The following TMEM120B variants were observed in gnomAD, a reference collection of about 807,000 sequenced individuals.
TMEM120B encodes the protein transmembrane protein 120B.
A neutral mutation model predicts 55.5 loss-of-function variants in TMEM120B; 31 were observed. That is an observed-to-expected ratio of 0.56 (90% confidence interval 0.42 to 0.75). The LOEUF is 0.75. TMEM120B is among the 30% of genes least tolerant of loss of function. The pLI is 0.00. For synonymous variants in TMEM120B, 203 were observed against 176.3 expected (o/e 1.15, Z -1.20); for missense variants, 399 against 425.5 (o/e 0.94, Z 0.55).
intron 5 of TMEM120B, among the ~76,000 whole-genome samples, chr12:121,759,603 A>AG (rs1227369815): frequency 6.6e-6 from 1 of 151,366 alleles, no homozygotes; most frequent in Non-Finnish European, 1.5e-5. Flanking sequence ...GCTTGAACCC[A>AG]GGAGGTGGAG....
At chr12:121,764,880 G>A (rs1873797755) in intron 6 of TMEM120B, among the ~76,000 whole-genome samples, 1 of 152,110 alleles carries the variant, frequency 6.6e-6, no homozygotes, top group Non-Finnish European at 1.5e-5. Context: ...AGCCTCCCTT[G>A]CCTAACAGTT....
At chr12:121,718,672 ACT>A (rs1291547569) in intron 1 of TMEM120B, among the ~76,000 whole-genome samples, 1 of 151,934 alleles carries the variant, frequency 6.6e-6, no homozygotes. Context: ...GTATCCTGAG[ACT>A]CTTAGCTCTA....
intron 6 of TMEM120B, among the ~76,000 whole-genome samples, chr12:121,766,828 A>G (rs1592946837): frequency 6.6e-6 from 1 of 152,192 alleles, no homozygotes; most frequent in South Asian, 2.1e-4. Context: ...CAGAATGAGT[A>G]ATGACTCGGT....
chr12:121,716,728 A>C (rs1218751559), intron 1 of TMEM120B, among the ~76,000 whole-genome samples: 1 of 151,694 alleles, frequency 6.6e-6, no homozygotes, highest in African/African-American at 2.4e-5. Flanking sequence ...GTGCCCGGCT[A>C]ATTTTTATAT....
Position 121,748,441 on chromosome 12 carries a change from G to A in TMEM120B, c.304G>A (p.Gly102Arg), listed in dbSNP as rs372282645. 3.6e-5 allele frequency: 57 copies of A among 1,603,946 alleles called. No homozygotes were observed. The highest frequency in any genetic ancestry group is 1.7e-4 in the Middle Eastern group (1 of 6,022). ...GGAGGCCTACCTGCCCAAGAAGAACGGGTAGGAGCTGGCAACCTCCCCACC... is the reference window on the plus strand; with the variant it reads ...GGAGGCCTACCTGCCCAAGAAGAACAGGTAGGAGCTGGCAACCTCCCCACC... Reference protein sequence around the residue: ...DMEAYLPKKNGLYLNLVLGNV... With the variant: ...DMEAYLPKKNRLYLNLVLGNV... Residue 102 changes from glycine (G) to arginine (R), a missense_variant and splice_region_variant, in exon 3 of 12, where the codon GGG becomes AGG. Coordinates refer to ENST00000449592, the MANE Select transcript of TMEM120B (RefSeq NM_001080825.2).
At chr12:121,721,502 A>C (rs1894787652) in intron 1 of TMEM120B, among the ~76,000 whole-genome samples, 6 of 133,684 alleles carry the variant, frequency 4.5e-5, no homozygotes, top group Non-Finnish European at 4.8e-5. Context: ...CAAGAGTTTC[A>C]CTCTTGTTGC....
At chr12:121,718,929 C>G (rs1894747377) in intron 1 of TMEM120B, among the ~76,000 whole-genome samples, 1 of 152,172 alleles carries the variant, frequency 6.6e-6, no homozygotes, top group Non-Finnish European at 1.5e-5. Context: ...GCATTATTCT[C>G]AGGCAGTCCC....
chr12:121,715,758 C>A (rs1349862160), intron 1 of TMEM120B, among the ~76,000 whole-genome samples: 1 of 152,054 alleles, frequency 6.6e-6, no homozygotes, highest in Non-Finnish European at 1.5e-5. Flanking sequence ...CTTCAATTCA[C>A]AGATGAGGAA....
chr12:121,718,341 AAAC>A (rs937867908), intron 1 of TMEM120B, among the ~76,000 whole-genome samples: 2 of 151,934 alleles, frequency 1.3e-5, no homozygotes, highest in African/African-American at 2.4e-5. Context: ...AACAAACAAA[AAAC>A]AAAAAAAAAC....
chr12:121,760,484 G>A (rs757021229), intron 5 of TMEM120B, among the ~76,000 whole-genome samples: 9 of 152,142 alleles, frequency 5.9e-5, no homozygotes, highest in Non-Finnish European at 1.2e-4. Context: ...AGCTGGGAGG[G>A]GCGCGTGCGC....
At chr12:121,716,248 C>T (rs531889342) in intron 1 of TMEM120B, among the ~76,000 whole-genome samples, 2 of 149,998 alleles carry the variant, frequency 1.3e-5, no homozygotes, top group Admixed American at 1.3e-4. Context: ...GTCAAGGCTG[C>T]AGTGAGCCAT....
In TMEM120B at chr12:121,723,812, T is replaced by C. The variant is rs563770311; in HGVS notation, c.69+10848T>C. Among the ~76,000 whole-genome samples, 4 of 152,008 alleles carry C rather than the reference T, an allele frequency of 2.6e-5. No homozygotes were observed. The South Asian group carries it at 8.3e-4, about 32-fold the overall frequency. On this transcript the variant is annotated intron_variant, in intron 1 of 11. Coordinates refer to ENST00000449592, the MANE Select transcript of TMEM120B (RefSeq NM_001080825.2). ...TGTGTGTACTATTCCTTCTTTTCTT[T>C]TGTTTTTCTTTTGAGACAAGGTCTC...
intron 4 of TMEM120B, among the ~76,000 whole-genome samples, chr12:121,751,148 T>C (rs1592938623): frequency 3.1e-5 from 1 of 32,436 alleles, no homozygotes; most frequent in Non-Finnish European, 5.8e-5. Flanking sequence ...CACCCATACC[T>C]ATACCCCAAA....
At chr12:121,743,608 C>T (rs1433829791) in intron 1 of TMEM120B, 21 bp from the exon 2 acceptor site, 8 of 1,599,070 alleles carry the variant, frequency 5.0e-6, no homozygotes, top group South Asian at 1.1e-5. Flanking sequence ...CACACCCTCC[C>T]CCGGGTCCCC....
In TMEM120B at chr12:121,761,717, T is replaced by C; in HGVS notation, c.530T>C (p.Ile177Thr). The change falls in exon 6 of 12, where the codon ATT becomes ACT. Residue 177 changes from isoleucine to threonine, a missense_variant. Coordinates refer to ENST00000449592, the MANE Select transcript of TMEM120B (RefSeq NM_001080825.2). ...YYCTLTIRESILISNGSRIKG... is the reference protein window; with the variant it reads ...YYCTLTIRESTLISNGSRIKG... The stretch of plus-strand genomic sequence containing the variant: ...TGCACCCTGACCATTCGGGAGAGCA[T>C]TCTCATCAGCAACGGCTCAAGGTAC... 1 of 1,613,888 alleles carries C rather than the reference T, an allele frequency of 6.2e-7. No individual in the cohort carries two copies. Among genetic ancestry groups the C allele is most frequent in the African/African-American group, 1.3e-5 (1 of 75,016 alleles).
intron 1 of TMEM120B, among the ~76,000 whole-genome samples, chr12:121,719,172 G>T (rs1309129505): frequency 6.6e-6 from 1 of 151,992 alleles, no homozygotes; most frequent in Non-Finnish European, 1.5e-5. Context: ...AGTGGGATCA[G>T]TGCCACCACA....
At chr12:121,763,643 A>T (rs1873755170) in intron 6 of TMEM120B, among the ~76,000 whole-genome samples, 1 of 151,778 alleles carries the variant, frequency 6.6e-6, no homozygotes. Flanking sequence ...GGGTTTCATC[A>T]TGTTGGCCAG....
intron 1 of TMEM120B, among the ~76,000 whole-genome samples, chr12:121,726,953 G>A (rs1018494051): frequency 6.9e-6 from 1 of 145,648 alleles, no homozygotes; most frequent in South Asian, 2.2e-4. Context: ...GGCTGGGCAC[G>A]GTGGCTCACG....
Position 121,781,363 on chromosome 12 carries a change from C to T in TMEM120B, c.*5641C>T, listed in dbSNP as rs1447954365. Reference sequence around the variant, plus strand: ...GCACAGGCCTGTGGTCGCAGCTACTCGGGAGGCTGAGGCCGGAGGATCGCT... The same window carrying T: ...GCACAGGCCTGTGGTCGCAGCTACTTGGGAGGCTGAGGCCGGAGGATCGCT... On this transcript the variant is annotated 3_prime_UTR_variant, in exon 12 of 12. Transcript: ENST00000449592. The T allele has an allele frequency of 4.9e-6, 3 of 610,968 alleles. No individual in the cohort carries two copies. The highest frequency in any genetic ancestry group is 2.0e-5 in the South Asian group (1 of 51,046). 37.8% of individuals were successfully genotyped at this position (610,968 alleles called of 1,614,324 possible). A position where few individuals can be genotyped will look rare whatever the true frequency, so the allele number is the denominator to read the frequency against.
Sources: allele counts gnomAD v4.1 joint callset (sites outside exome capture counted in the v4.1 genomes callset), GRCh38; gene constraint gnomAD v4.1.1; transcripts MANE v1.5; gene names NCBI Gene and HGNC (gene_info 2026-07-23, HGNC 2026-07-21).